Variants in SLC35F4 observed in about 807,000 individuals in gnomAD.
SLC35F4 encodes the protein solute carrier family 35 member F4.
Under a neutral mutation model 44.2 loss-of-function variants are expected in SLC35F4, and 24 were observed. The observed-to-expected ratio is 0.54, with a 90% confidence interval of 0.39 to 0.76. The LOEUF (loss-of-function observed/expected upper bound fraction) is 0.76, where lower values mean the gene tolerates loss of function less well. Ranked by LOEUF, SLC35F4 falls within the 30% of genes least tolerant of loss-of-function variation. The pLI is 0.00. For synonymous variants in SLC35F4, 238 were observed against 223.6 expected (o/e 1.06, Z -0.57); for missense variants, 562 against 586.1 (o/e 0.96, Z 0.42).
At chr14:57,969,266 A>C (rs1594661155) in intron 1 of SLC35F4, among the ~76,000 whole-genome samples, 1 of 152,214 alleles carries the variant, frequency 6.6e-6, no homozygotes, top group African/African-American at 2.4e-5. Flanking sequence ...CCTAACACAC[A>C]GATTATCCTG....
At chr14:57,587,280 A>G (rs1185346817) in intron 3 of SLC35F4, among the ~76,000 whole-genome samples, 3 of 152,262 alleles carry the variant, frequency 2.0e-5, no homozygotes, top group Non-Finnish European at 4.4e-5. Flanking sequence ...AACTGGGTAT[A>G]TATCCAAAGG....
At chr14:57,980,608 A>T (rs1881348711) in intron 1 of SLC35F4, among the ~76,000 whole-genome samples, 1 of 151,524 alleles carries the variant, frequency 6.6e-6, no homozygotes, top group Admixed American at 6.6e-5. Flanking sequence ...ACCCCTTCTG[A>T]CCTTTCCACC....
At chr14:57,929,434 C>G (rs1889649516) in intron 1 of SLC35F4, among the ~76,000 whole-genome samples, 1 of 151,974 alleles carries the variant, frequency 6.6e-6, no homozygotes, top group African/African-American at 2.4e-5. Context: ...CTTACAGCAC[C>G]TTAGAGCGGG....
chr14:57,646,500 T>G (rs1241838681), intron 1 of SLC35F4, among the ~76,000 whole-genome samples: 1 of 152,228 alleles, frequency 6.6e-6, no homozygotes, highest in Non-Finnish European at 1.5e-5. Flanking sequence ...TGCGTCTATT[T>G]GATTCTTCTG....
At chr14:57,800,535 T>C (rs929737156) in intron 1 of SLC35F4, among the ~76,000 whole-genome samples, 2 of 152,060 alleles carry the variant, frequency 1.3e-5, no homozygotes, top group East Asian at 1.9e-4. Context: ...TTGACAGAAG[T>C]AGGCTTCAGA....
chr14:57,907,765 A>G (rs1479266857), intron 1 of SLC35F4, among the ~76,000 whole-genome samples: 1 of 152,188 alleles, frequency 6.6e-6, no homozygotes, highest in Admixed American at 6.5e-5. Flanking sequence ...GAACCATCCT[A>G]GGTGCTGAAA....
At chr14:57,688,684 C>T (rs1217867046) in intron 1 of SLC35F4, among the ~76,000 whole-genome samples, 2 of 152,140 alleles carry the variant, frequency 1.3e-5, no homozygotes, top group Non-Finnish European at 2.9e-5. Flanking sequence ...GAGAACAATT[C>T]TATCTAGATG....
chr14:57,619,340 A>G (rs1215968019), intron 1 of SLC35F4, among the ~76,000 whole-genome samples: 1 of 152,178 alleles, frequency 6.6e-6, no homozygotes, highest in African/African-American at 2.4e-5. Context: ...TTTCTAGAGA[A>G]AGGAACAGGC....
At position 57,865,987 on chromosome 14, in the gene SLC35F4, ACAG is replaced by A. The variant is rs980563519; in HGVS notation, c.-165_-163del. 2.8e-5 allele frequency: 11 copies of A among 391,710 alleles called. No individual in the cohort carries two copies. Among genetic ancestry groups the A allele is most frequent in the East Asian group, 5.3e-5 (1 of 18,884 alleles). 24.3% of individuals were successfully genotyped at this position (391,710 alleles called of 1,614,324 possible). On this transcript the variant is annotated 5_prime_UTR_variant, in exon 1 of 8. Coordinates refer to ENST00000556826, the MANE Select transcript of SLC35F4 (RefSeq NM_001306087.2). The stretch of plus-strand genomic sequence containing the variant: ...CCCGGCGCAGCACCGGCTCCGCATC[ACAG>A]CGGCGGCGGCGGCGGCGGCGGCGGA...
chr14:57,829,743 C>A (rs1367718569), intron 1 of SLC35F4, among the ~76,000 whole-genome samples: 1 of 152,158 alleles, frequency 6.6e-6, no homozygotes, highest in Non-Finnish European at 1.5e-5. Context: ...GTAGTGATCA[C>A]TGGCTGGTTG....
At chr14:57,659,439 A>C (rs1347734293) in intron 1 of SLC35F4, among the ~76,000 whole-genome samples, 1 of 152,190 alleles carries the variant, frequency 6.6e-6, no homozygotes, top group Admixed American at 6.6e-5. Flanking sequence ...CCACCCAGAG[A>C]CCTGAAAGGG....
intron 1 of SLC35F4, among the ~76,000 whole-genome samples, chr14:57,818,329 T>A (rs1882823232): frequency 6.6e-6 from 1 of 152,156 alleles, no homozygotes; most frequent in African/African-American, 2.4e-5. Flanking sequence ...GATCTGTTTG[T>A]GAACCCCTTG....
intron 1 of SLC35F4, among the ~76,000 whole-genome samples, chr14:57,670,600 A>G (rs530505897): frequency 3.2e-4 from 49 of 152,058 alleles, no homozygotes; most frequent in African/African-American, 1.2e-3. Context: ...CCCAGTAGTC[A>G]TTCAGGAGCA....
chr14:57,928,388 C>T (rs1290673511), intron 1 of SLC35F4, among the ~76,000 whole-genome samples: 5 of 152,166 alleles, frequency 3.3e-5, no homozygotes, highest in Non-Finnish European at 5.9e-5. Context: ...TTCACAATCA[C>T]GCAGTACTAA....
chr14:57,705,324 A>T (rs1319121809), intron 1 of SLC35F4, among the ~76,000 whole-genome samples: 1 of 152,196 alleles, frequency 6.6e-6, no homozygotes, highest in East Asian at 1.9e-4. Flanking sequence ...TTTATTTAGA[A>T]CAATACAAAT....
At chr14:57,745,403 C>G (rs62003384) in intron 1 of SLC35F4, among the ~76,000 whole-genome samples, 4,952 of 152,136 alleles carry the variant, frequency 0.033, 121 homozygotes, top group South Asian at 0.053. Flanking sequence ...ATCAAGCAAC[C>G]CCATCAAAAA....
intron 1 of SLC35F4, among the ~76,000 whole-genome samples, chr14:57,819,700 C>T (rs1462345815): frequency 6.6e-6 from 1 of 151,154 alleles, no homozygotes; most frequent in East Asian, 1.9e-4. Flanking sequence ...GTATTCCCAG[C>T]TACTCAGGAG....
intron 1 of SLC35F4, among the ~76,000 whole-genome samples, chr14:57,638,271 A>T (rs2073090562): frequency 6.6e-6 from 1 of 152,030 alleles, no homozygotes; most frequent in South Asian, 2.1e-4. Flanking sequence ...CTGACCACAG[A>T]CTGGTTCTGG....
chr14:57,639,705 C>T (rs529307503), intron 1 of SLC35F4, among the ~76,000 whole-genome samples: 1 of 151,850 alleles, frequency 6.6e-6, no homozygotes, highest in Non-Finnish European at 1.5e-5. Context: ...CCACTTTATC[C>T]CATAAATGAC....
Sources: gnomAD v4.1 joint callset for allele counts (sites outside exome capture counted in the v4.1 genomes callset) on GRCh38, gnomAD v4.1.1 for gene constraint, MANE v1.5 for transcripts, NCBI Gene and HGNC (gene_info 2026-07-23, HGNC 2026-07-21) for gene names.